TMEM268: variants seen among roughly 807,000 people sequenced by gnomAD.
TMEM268 encodes the protein transmembrane protein C9orf91.
A neutral mutation model predicts 39.1 loss-of-function variants in TMEM268; 24 were observed. That is an observed-to-expected ratio of 0.61 (90% CI 0.44 to 0.86). The LOEUF (loss-of-function observed/expected upper bound fraction) is 0.86, where lower values mean the gene tolerates loss of function less well. Among genes scored for constraint, TMEM268 ranks in the 40% least tolerant of loss-of-function variants. TMEM268 has a pLI of 0.00. For missense variants in TMEM268, 409 were observed against 428.6 expected (o/e 0.95, Z 0.40); for synonymous variants, 176 against 173.5 (o/e 1.01, Z -0.12).
At chr9:114,608,361 A>G (rs750190169), upstream of TMEM268, among the ~76,000 whole-genome samples, 1 of 152,242 alleles carries the variant, frequency 6.6e-6, no homozygotes, top group Non-Finnish European at 1.5e-5. Flanking sequence ...CTGCCTGCCA[A>G]TGCCACATGC....
At chr9:114,622,373 C>T (rs963450420) in intron 2 of TMEM268, 50 of 985,206 alleles carry the variant, frequency 5.1e-5, no homozygotes, top group Non-Finnish European at 5.9e-5. Flanking sequence ...TCCTAGAATC[C>T]CAGGGCTGGA....
At position 114,617,240 on chromosome 9, in the gene TMEM268, GC is replaced by G. The variant is rs1292856103; in HGVS notation, c.51del (p.Ser18ProfsTer74). The G allele has an allele frequency of 6.2e-7, 1 of 1,612,460 alleles. No homozygotes were observed. Among genetic ancestry groups the G allele is most frequent in the South Asian group, 1.1e-5 (1 of 90,966 alleles). On this transcript the variant is annotated frameshift_variant, in exon 2 of 9. Coordinates refer to ENST00000288502, the MANE Select transcript of TMEM268 (RefSeq NM_153045.4). LOFTEE classifies it high-confidence loss of function. ...QVDPGATGPL[P>X]PSSPGWSALP... is the part of the protein sequence containing the mutation. ...TGGACCCGGGGGCCACTGGCCCATT[GC>G]CCCCCTCCTCCCCTGGCTGGAGTGC...
chr9:114,640,430 A>G (rs1040076816), intron 8 of TMEM268, among the ~76,000 whole-genome samples: 4 of 152,278 alleles, frequency 2.6e-5, no homozygotes, highest in Admixed American at 6.5e-5. Context: ...GACCTCTTAC[A>G]TTTTTACAGA....
chr9:114,631,282 CAAAAAAAAA>C (rs3035421), intron 5 of TMEM268, among the ~76,000 whole-genome samples: 1 of 130,180 alleles, frequency 7.7e-6, no homozygotes, highest in Non-Finnish European at 1.6e-5. Context: ...CAGCCTGCCT[CAAAAAAAAA>C]AAAAAAAAAA....
upstream of TMEM268, among the ~76,000 whole-genome samples, chr9:114,606,366 G>T (rs1845365680): frequency 6.6e-6 from 1 of 152,138 alleles, no homozygotes; most frequent in South Asian, 2.1e-4. Flanking sequence ...CACACCTCCT[G>T]CCAAGCACAG....
chr9:114,614,622 A>AT (rs1260121503), intron 1 of TMEM268, among the ~76,000 whole-genome samples: 2 of 152,204 alleles, frequency 1.3e-5, no homozygotes, highest in African/African-American at 4.8e-5. Flanking sequence ...AATCATGAAG[A>AT]TGTGTGCTGA....
At chr9:114,606,586 C>T (rs1845369076), upstream of TMEM268, among the ~76,000 whole-genome samples, 2 of 152,304 alleles carry the variant, frequency 1.3e-5, no homozygotes, top group South Asian at 4.1e-4. Flanking sequence ...ATTCAAGGTA[C>T]TCTATATACA....
intron 3 of TMEM268, 29 bp from the exon 4 acceptor site, chr9:114,626,870 A>G: frequency 1.3e-6 from 2 of 1,548,598 alleles, no homozygotes; most frequent in Non-Finnish European, 1.8e-6. Context: ...CCTGCGGCTG[A>G]TTGATCTCTT....
At chr9:114,627,076 G>C in intron 4 of TMEM268, 70 bp downstream of exon 4, 1 of 1,160,256 alleles carries the variant, frequency 8.6e-7, no homozygotes, top group Admixed American at 1.7e-5. Context: ...TCAGCACCGT[G>C]TCTTGGAGCC....
chr9:114,622,108 G>A, intron 2 of TMEM268: 12 of 985,404 alleles, frequency 1.2e-5, no homozygotes, highest in Non-Finnish European at 1.4e-5. Context: ...AGTTGGCAGG[G>A]CTTGGTGATA....
chr9:114,638,805 A>G (rs2133709350), intron 8 of TMEM268, 79 bp downstream of exon 8: 1 of 1,082,300 alleles, frequency 9.2e-7, no homozygotes, highest in Non-Finnish European at 1.3e-6. Context: ...GGGGCTTCTT[A>G]GATTCCCCAA....
chr9:114,641,959 G>GA (rs908701848), intron 8 of TMEM268, among the ~76,000 whole-genome samples: 7 of 145,066 alleles, frequency 4.8e-5, no homozygotes, highest in African/African-American at 5.1e-5. Flanking sequence ...CTTTAAAAAA[G>GA]AAAAAAAAAA....
chr9:114,629,762 T>C lies in TMEM268; in HGVS notation c.474+1512T>C, dbSNP rs558610662. Among the ~76,000 whole-genome samples the C allele has an allele frequency of 3.9e-4, 59 of 152,320 alleles. 1 individual carries two copies. Among genetic ancestry groups the C allele is most frequent in the African/African-American group, 1.4e-3 (58 of 41,570 alleles). On this transcript the variant is annotated intron_variant, in intron 5 of 8. Transcript: ENST00000288502. ...TGACTCAGAAAGAGGGGGCAGGATG[T>C]TGGGAAATGTAAATCAGCATTTGGG...
intron 6 of TMEM268, among the ~76,000 whole-genome samples, chr9:114,636,059 G>A (rs1589357156): frequency 1.3e-5 from 2 of 152,210 alleles, no homozygotes; most frequent in African/African-American, 4.8e-5. Flanking sequence ...GGAGGTCTGG[G>A]AACCAGAGGA....
rs182296372 is a variant in TMEM268 at position 114,637,131 on chromosome 9, A to G, written c.666+61A>G. The G allele has an allele frequency of 2.2e-4, 248 of 1,114,772 alleles. 2 individuals carry two copies. The Middle Eastern group carries it at 3.7e-3, about 17-fold the overall frequency. 69.1% of individuals were successfully genotyped at this position (1,114,772 alleles called of 1,614,324 possible). ...CAGGAGGCCAAGTTGTATCGATTTC[A>G]TTATCTTAAGGGTGGGAAAATGTCT... is the stretch of plus-strand genomic sequence containing the variant. On this transcript the variant is annotated intron_variant, in intron 7 of 8. Coordinates refer to ENST00000288502, the MANE Select transcript of TMEM268 (RefSeq NM_153045.4).
Position 114,645,722 on chromosome 9 carries a change from G to C in TMEM268, c.*2409G>C, listed in dbSNP as rs1827547107. 6.6e-6 allele frequency: 1 copy of C among 152,312 alleles called. No homozygotes were observed. Among genetic ancestry groups the C allele is most frequent in the Non-Finnish European group, 1.5e-5 (1 of 68,048 alleles). 9.4% of individuals were successfully genotyped at this position (152,312 alleles called of 1,614,324 possible). A position where few individuals can be genotyped will look rare whatever the true frequency, so the allele number is the denominator to read the frequency against. Reference sequence around the variant, plus strand: ...TTTTTCAATTGTAAGGTCTGCTTGAGAGCCTTTGATGTGTGTTTCTTTTCC... The same window carrying C: ...TTTTTCAATTGTAAGGTCTGCTTGACAGCCTTTGATGTGTGTTTCTTTTCC... On this transcript the variant is annotated 3_prime_UTR_variant, in exon 9 of 9. Coordinates refer to ENST00000288502, the MANE Select transcript of TMEM268 (RefSeq NM_153045.4).
Position 114,628,059 on chromosome 9 carries a change from G to C in TMEM268, c.325-42G>C, listed in dbSNP as rs149635414. 112 of 1,606,658 alleles carry C rather than the reference G, an allele frequency of 7.0e-5. 1 individual carries two copies. The African/African-American group carries it at 1.3e-3, about 19-fold the overall frequency. ...TTTGAATGGAGCTGCTTTATGCAAGGACTGAAGTTCCTGACCATGCTCTCT... is the reference window on the plus strand; with the variant it reads ...TTTGAATGGAGCTGCTTTATGCAAGCACTGAAGTTCCTGACCATGCTCTCT... On this transcript the variant is annotated intron_variant, in intron 4 of 8. Transcript: ENST00000288502.
intron 4 of TMEM268, among the ~76,000 whole-genome samples, chr9:114,627,796 A>G (rs1256806262): frequency 6.6e-6 from 1 of 152,224 alleles, no homozygotes; most frequent in Non-Finnish European, 1.5e-5. Context: ...TTGAAGGATC[A>G]TTATGGTCTT....
intron 6 of TMEM268, among the ~76,000 whole-genome samples, chr9:114,635,758 C>T (rs2133694897): frequency 1.3e-5 from 2 of 152,200 alleles, no homozygotes; most frequent in South Asian, 4.1e-4. Flanking sequence ...TGAGGTGATA[C>T]ACTATCTGGC....
Sources: gnomAD v4.1 joint callset for allele counts (sites outside exome capture counted in the v4.1 genomes callset) on GRCh38, gnomAD v4.1.1 for gene constraint, MANE v1.5 for transcripts, NCBI Gene and HGNC (gene_info 2026-07-23, HGNC 2026-07-21) for gene names.